The following C11orf65 variants were observed in gnomAD, a reference collection of about 807,000 sequenced individuals.
C11orf65 encodes the protein chromosome 11 open reading frame 65, also known as protein MFI.
In C11orf65, 38 loss-of-function variants were observed where a neutral mutation model predicts 35.3. The observed-to-expected ratio is 1.08, with a 90% CI of 0.83 to 1.41. The LOEUF is 1.41. Among genes scored for constraint, C11orf65 ranks in the 40% most tolerant of loss-of-function variants. The pLI, the probability that C11orf65 is intolerant of heterozygous loss-of-function variation, is 0.00. For missense variants in C11orf65, 370 were observed against 367.1 expected (o/e 1.01, Z -0.06); for synonymous variants, 105 against 114.4 (o/e 0.92, Z 0.53).
At position 108,432,577 on chromosome 11, in the gene C11orf65, C is replaced by T. The variant is rs138081578; in HGVS notation, c.82-739G>A. Among the ~76,000 whole-genome samples, 1,207 of 152,264 alleles carry T rather than the reference C, an allele frequency of 7.9e-3. 9 individuals are homozygous for T. Among genetic ancestry groups the T allele is most frequent in the African/African-American group, 0.025 (1,031 of 41,548 alleles). Reference sequence around the variant, plus strand: ...TTTCTTTGGTAACTCTCCCCTCAAGCCCCATCTCCCTAAAAATGCTTTAAT... The same window carrying T: ...TTTCTTTGGTAACTCTCCCCTCAAGTCCCATCTCCCTAAAAATGCTTTAAT... On this transcript the variant is annotated intron_variant, in intron 2 of 8. Coordinates refer to ENST00000393084, the MANE Select transcript of C11orf65 (RefSeq NM_152587.5).
At chr11:108,447,861 A>G (rs1359128269) in intron 2 of C11orf65, among the ~76,000 whole-genome samples, 4 of 152,164 alleles carry the variant, frequency 2.6e-5, no homozygotes, top group Non-Finnish European at 4.4e-5. Context: ...TTTTTTGAAA[A>G]GATCAACAAA....
rs730881293 is a variant in C11orf65, at chr11:108,332,808, G to GGA, written c.300-1243_300-1242dup. ...AGAATAATATGTACTATCAGAAGTAGGAGACCTCAGATGGTCAGAAGTGTT... is the reference window on the plus strand; with the variant it reads ...AGAATAATATGTACTATCAGAAGTAGGAGAGACCTCAGATGGTCAGAAGTGTT... On this transcript the variant is annotated intron_variant, in intron 3 of 3. Transcript: ENST00000524755. The GGA allele has an allele frequency of 1.9e-6, 3 of 1,613,372 alleles. No homozygotes were observed. Among genetic ancestry groups the GGA allele is most frequent in the Non-Finnish European group, 2.5e-6 (3 of 1,179,714 alleles).
At chr11:108,459,459 T>C (rs2093445147) in intron 2 of C11orf65, among the ~76,000 whole-genome samples, 1 of 152,128 alleles carries the variant, frequency 6.6e-6, no homozygotes, top group African/African-American at 2.4e-5. Flanking sequence ...CTTCCAGCTC[T>C]TTTAAATTGT....
At chr11:108,358,991 A>C (rs1392224531) in intron 2 of C11orf65, among the ~76,000 whole-genome samples, 1 of 152,002 alleles carries the variant, frequency 6.6e-6, no homozygotes, top group Non-Finnish European at 1.5e-5. Context: ...ATTAAAAGAC[A>C]CAGACTGGCA....
intron 2 of C11orf65, among the ~76,000 whole-genome samples, chr11:108,375,475 C>T (rs2091696664): frequency 1.3e-5 from 2 of 150,336 alleles, no homozygotes; most frequent in African/African-American, 4.9e-5. Flanking sequence ...TAAAAGAGCT[C>T]CTGAAGGAAG....
intron 2 of C11orf65, among the ~76,000 whole-genome samples, chr11:108,338,301 G>A (rs549807992): frequency 6.6e-6 from 1 of 151,810 alleles, no homozygotes; most frequent in Non-Finnish European, 1.5e-5. Context: ...CAGTTGAGCC[G>A]AGATCACACC....
chr11:108,358,594 C>T (rs1379361007), intron 2 of C11orf65, among the ~76,000 whole-genome samples: 1 of 124,546 alleles, frequency 8.0e-6, no homozygotes, highest in Non-Finnish European at 1.7e-5. Context: ...AACAGCAGAT[C>T]TCTCGGCAGA....
intron 2 of C11orf65, among the ~76,000 whole-genome samples, chr11:108,339,038 A>G (rs565331724): frequency 6.6e-6 from 1 of 152,274 alleles, no homozygotes; most frequent in African/African-American, 2.4e-5. Flanking sequence ...GCAACCTCAA[A>G]AGGAGAGACT....
At chr11:108,400,481 G>C (rs1203390793) in intron 6 of C11orf65, among the ~76,000 whole-genome samples, 2 of 152,196 alleles carry the variant, frequency 1.3e-5, no homozygotes, top group Non-Finnish European at 2.9e-5. Context: ...ACAAGAGCAG[G>C]AAAGGTGATG....
At chr11:108,467,559 T>G (rs1234591639), upstream of C11orf65, 1 of 152,244 alleles carries the variant, frequency 6.6e-6, no homozygotes, top group Non-Finnish European at 1.5e-5. Flanking sequence ...CCCGCCCCAT[T>G]GCCCTCCTAG....
intron 2 of C11orf65, among the ~76,000 whole-genome samples, chr11:108,436,176 A>C (rs1010840466): frequency 6.6e-6 from 1 of 152,170 alleles, no homozygotes; most frequent in African/African-American, 2.4e-5. Flanking sequence ...AACTTCTAGA[A>C]GGAGGAAAAG....
intron 2 of C11orf65, among the ~76,000 whole-genome samples, chr11:108,344,384 A>G (rs1227936668): frequency 6.6e-6 from 1 of 152,240 alleles, no homozygotes; most frequent in Non-Finnish European, 1.5e-5. Flanking sequence ...GCAGGAAAAG[A>G]CAACATAAGC....
At chr11:108,434,789 T>C (rs936880978) in intron 2 of C11orf65, among the ~76,000 whole-genome samples, 13 of 152,230 alleles carry the variant, frequency 8.5e-5, no homozygotes, top group African/African-American at 2.9e-4. Flanking sequence ...AAACCTTCTG[T>C]GTACTTTGAA....
intron 8 of C11orf65, among the ~76,000 whole-genome samples, chr11:108,383,861 T>C (rs577228681): frequency 3.7e-5 from 5 of 134,098 alleles, no homozygotes; most frequent in Non-Finnish European, 6.1e-5. Context: ...CAGTAACTTA[T>C]ATTGTTTCCT....
chr11:108,465,549 G>A (rs751806667), intron 1 of C11orf65, among the ~76,000 whole-genome samples: 4 of 152,194 alleles, frequency 2.6e-5, no homozygotes, highest in Non-Finnish European at 4.4e-5. Context: ...CTTCAGTGGA[G>A]TAAGCAGGGA....
At chr11:108,334,826 G>A (rs557160192) in intron 3 of C11orf65, 5 of 931,524 alleles carry the variant, frequency 5.4e-6, no homozygotes, top group African/African-American at 5.0e-5. Context: ...CACCACACCC[G>A]GCCTAAAGTT....
chr11:108,358,048 A>G (rs2137515691), intron 2 of C11orf65, among the ~76,000 whole-genome samples: 1 of 145,886 alleles, frequency 6.9e-6, no homozygotes, highest in East Asian at 2.0e-4. Context: ...CAACTTTGAA[A>G]AAAATTTAGA....
intron 2 of C11orf65, among the ~76,000 whole-genome samples, chr11:108,460,851 G>A (rs1351258827): frequency 1.3e-5 from 2 of 151,882 alleles, no homozygotes; most frequent in Admixed American, 6.6e-5. Context: ...TCAGCCTCCC[G>A]TGTAGCTGGG....
At chr11:108,427,647 G>A (rs28810151) in intron 3 of C11orf65, among the ~76,000 whole-genome samples, 50,398 of 133,114 alleles carry the variant, frequency 0.38, 10,249 homozygotes, top group Middle Eastern at 0.65. Flanking sequence ...GCGTGAACCC[G>A]GGAGGCGGAG....
Sources: allele counts gnomAD v4.1 joint callset (sites outside exome capture counted in the v4.1 genomes callset), GRCh38; gene constraint gnomAD v4.1.1; transcripts MANE v1.5; gene names NCBI Gene and HGNC (gene_info 2026-07-23, HGNC 2026-07-21).